The following HIVEP1 variants were observed in gnomAD, a reference collection of about 807,000 sequenced individuals.
HIVEP1 encodes HIVEP zinc finger 1.
Under a neutral mutation model 180.0 loss-of-function variants are expected in HIVEP1, and 36 were observed. That is an observed-to-expected ratio of 0.20 (90% CI 0.15 to 0.26). The LOEUF (loss-of-function observed/expected upper bound fraction) is 0.26, where lower values mean the gene tolerates loss of function less well. HIVEP1 is among the 10% of genes least tolerant of loss of function. The pLI is 1.00. For missense variants in HIVEP1, 3,143 were observed against 3,268.7 expected, an observed-to-expected ratio of 0.96 and a Z score of 0.94; for synonymous variants, 1,239 against 1,239.0, an observed-to-expected ratio of 1.00 and a Z score of 0.00.
intron 2 of HIVEP1, among the ~76,000 whole-genome samples, chr6:12,068,471 T>C (rs185743795): frequency 4.7e-4 from 71 of 152,352 alleles, no homozygotes; most frequent in African/African-American, 1.5e-3. Context: ...GTAATACTTA[T>C]AATAGTATTA....
the HIVEP1 span, among the ~76,000 whole-genome samples, chr6:12,208,842 T>C: frequency 1.3e-5 from 2 of 152,206 alleles, no homozygotes; most frequent in Non-Finnish European, 2.9e-5. Context: ...AATAAACTTC[T>C]GTGGCCTAAG....
chr6:12,206,996 A>AG, the HIVEP1 span, among the ~76,000 whole-genome samples: 6 of 152,128 alleles, frequency 3.9e-5, no homozygotes, highest in South Asian at 2.1e-4. Flanking sequence ...TAATAAACCT[A>AG]GGGGGTTGCC....
At chr6:12,145,487 G>GTGCA (rs1473002837) in intron 7 of HIVEP1, among the ~76,000 whole-genome samples, 1 of 148,448 alleles carries the variant, frequency 6.7e-6, no homozygotes, top group African/African-American at 2.5e-5. Context: ...CCTGCACGTT[G>GTGCA]TGCATATGTA....
chr6:12,058,095 C>G (rs948121821), intron 2 of HIVEP1, among the ~76,000 whole-genome samples: 1 of 152,036 alleles, frequency 6.6e-6, no homozygotes, highest in Non-Finnish European at 1.5e-5. Flanking sequence ...GTTGTCACAT[C>G]GCTTTAGTGT....
intron 3 of HIVEP1, among the ~76,000 whole-genome samples, chr6:12,090,806 G>C (rs183913464): frequency 4.4e-5 from 6 of 135,764 alleles, no homozygotes; most frequent in Non-Finnish European, 7.7e-5. Context: ...AAGCAAATGT[G>C]AGCCTGTCTT....
At chr6:12,071,376 G>C (rs1487014950) in intron 2 of HIVEP1, among the ~76,000 whole-genome samples, 1 of 152,140 alleles carries the variant, frequency 6.6e-6, no homozygotes, top group Non-Finnish European at 1.5e-5. Context: ...TCGCTCTCCT[G>C]ATATACTAAC....
intron 2 of HIVEP1, among the ~76,000 whole-genome samples, chr6:12,061,152 T>A (rs1228289042): frequency 6.6e-6 from 1 of 152,124 alleles, no homozygotes; most frequent in Admixed American, 6.5e-5. Flanking sequence ...GACGGATGTG[T>A]TTGTGCAAGT....
chr6:12,104,015 T>C (rs550039553), intron 3 of HIVEP1, among the ~76,000 whole-genome samples: 1 of 152,296 alleles, frequency 6.6e-6, no homozygotes, highest in East Asian at 1.9e-4. Context: ...ATTGTTGGTG[T>C]AGAGGTGTCA....
chr6:12,118,967 G>A (rs1056490408), intron 3 of HIVEP1, among the ~76,000 whole-genome samples: 6 of 152,194 alleles, frequency 3.9e-5, no homozygotes, highest in African/African-American at 1.4e-4. Flanking sequence ...CAGCATTAAA[G>A]GGTTGAATTT....
At chr6:12,042,737 A>G (rs2113686057) in intron 2 of HIVEP1, among the ~76,000 whole-genome samples, 1 of 152,218 alleles carries the variant, frequency 6.6e-6, no homozygotes, top group Non-Finnish European at 1.5e-5. Context: ...TATTTTATTG[A>G]TTCCAAAATA....
At chr6:12,160,004 G>A (rs1333292964) in intron 7 of HIVEP1, among the ~76,000 whole-genome samples, 1 of 152,142 alleles carries the variant, frequency 6.6e-6, no homozygotes, top group East Asian at 1.9e-4. Context: ...TTTGGGAAAG[G>A]CAGCCTATTG....
intron 3 of HIVEP1, among the ~76,000 whole-genome samples, chr6:12,109,995 T>A (rs1774781746): frequency 6.6e-6 from 1 of 152,232 alleles, no homozygotes; most frequent in Non-Finnish European, 1.5e-5. Context: ...ATTCATCTTC[T>A]TATACATCTC....
At chr6:12,050,454 C>T (rs1269602561) in intron 2 of HIVEP1, among the ~76,000 whole-genome samples, 2 of 152,074 alleles carry the variant, frequency 1.3e-5, no homozygotes, top group African/African-American at 4.8e-5. Flanking sequence ...GGCGTAGTGG[C>T]AGGCACCTGT....
At position 12,063,342 on chromosome 6, in the gene HIVEP1, C is replaced by T. The variant is rs923602123; in HGVS notation, c.41-25842C>T. On this transcript the variant is annotated intron_variant, in intron 2 of 8. Transcript: ENST00000379388. This position sits in a 1 kb window ranked among gnomAD's most constrained non-coding sequence, Gnocchi z 4.2. ...CCACTAGATGCCAATTGCAGTCTTC[C>T]TCCCTCAGTTGTAAACCAAGATGTC... 5.9e-5 allele frequency among the ~76,000 whole-genome samples: 9 copies of T among 152,266 alleles called. No homozygotes were observed. The East Asian group carries it at 1.2e-3, about 20-fold the overall frequency.
chr6:12,138,033 C>T (rs185726020), intron 7 of HIVEP1, among the ~76,000 whole-genome samples: 2 of 152,332 alleles, frequency 1.3e-5, no homozygotes, highest in African/African-American at 4.8e-5. Context: ...GCTTCCGTTA[C>T]TCCCCACTCC....
intron 3 of HIVEP1, among the ~76,000 whole-genome samples, chr6:12,115,052 A>G (rs1454259076): frequency 6.6e-6 from 1 of 152,186 alleles, no homozygotes; most frequent in Non-Finnish European, 1.5e-5. Context: ...TCAAGACAGG[A>G]TTTTAAGCAC....
At chr6:12,138,266 T>G (rs1758811429) in intron 7 of HIVEP1, among the ~76,000 whole-genome samples, 2 of 152,366 alleles carry the variant, frequency 1.3e-5, no homozygotes, top group South Asian at 4.1e-4. Context: ...CCTCTTTAAT[T>G]ATACCTAATA....
intron 2 of HIVEP1, among the ~76,000 whole-genome samples, chr6:12,035,607 T>C (rs1438637911): frequency 6.6e-6 from 1 of 152,254 alleles, no homozygotes; most frequent in East Asian, 1.9e-4. Context: ...TTTTAACATT[T>C]AATCGTTTTA....
the HIVEP1 span, among the ~76,000 whole-genome samples, chr6:12,210,357 C>T: frequency 5.9e-5 from 9 of 152,132 alleles, no homozygotes; most frequent in African/African-American, 2.2e-4. Flanking sequence ...GCTTTTGATT[C>T]GCTGGTATAA....
Sources: gnomAD v4.1 joint callset for allele counts (sites outside exome capture counted in the v4.1 genomes callset) on GRCh38, gnomAD v4.1.1 for gene constraint, Gnocchi (gnomAD v3.1) non-coding constraint, MANE v1.5 for transcripts, NCBI Gene and HGNC (gene_info 2026-07-23, HGNC 2026-07-21) for gene names.